Variants in EXO1 observed in about 807,000 individuals in gnomAD.
EXO1 encodes exonuclease 1.
Under a neutral mutation model 84.5 loss-of-function variants are expected in EXO1, and 69 were observed. The observed-to-expected ratio is 0.82, with a 90% CI of 0.67 to 1.00. The LOEUF is 1.00. Among genes scored for constraint, EXO1 ranks in the 50% least tolerant of loss-of-function variants. The pLI, the probability that EXO1 is intolerant of heterozygous loss-of-function variation, is 0.00. For missense variants in EXO1, 1,045 were observed against 1,000.7 expected, an observed-to-expected ratio of 1.04 and a Z score of -0.60; for synonymous variants, 373 against 366.1, an observed-to-expected ratio of 1.02 and a Z score of -0.21.
intron 13 of EXO1, among the ~76,000 whole-genome samples, chr1:241,881,520 G>A (rs1259918489): frequency 2.0e-5 from 3 of 152,222 alleles, no homozygotes; most frequent in South Asian, 4.1e-4. Flanking sequence ...AAAGTTGAAC[G>A]TGTTACATGA....
At chr1:241,873,008 C>T (rs2148485198) in intron 12 of EXO1, among the ~76,000 whole-genome samples, 1 of 152,208 alleles carries the variant, frequency 6.6e-6, no homozygotes, top group Non-Finnish European at 1.5e-5. Context: ...ACATCCTCTC[C>T]AGCATCTGTT....
chr1:241,877,794 GA>G (rs3835631), intron 12 of EXO1, among the ~76,000 whole-genome samples: 11,830 of 152,004 alleles, frequency 0.078, 728 homozygotes, highest in Admixed American at 0.2. Flanking sequence ...TGATTTGAAA[GA>G]AAGTCTTAAC....
intron 13 of EXO1, among the ~76,000 whole-genome samples, chr1:241,880,177 C>T (rs1662673493): frequency 1.3e-5 from 2 of 152,144 alleles, no homozygotes; most frequent in Admixed American, 1.3e-4. Context: ...GCATACTGGT[C>T]TAGAAGACTG....
chr1:241,882,183 A>G (rs192595356), intron 14 of EXO1, among the ~76,000 whole-genome samples, 166 bp downstream of exon 14: 240 of 152,290 alleles, frequency 1.6e-3, no homozygotes, highest in African/African-American at 5.6e-3. Flanking sequence ...TTAAGTTGTG[A>G]AACTTATTTT....
chr1:241,855,030 CAT>C (rs1487975448), intron 6 of EXO1, among the ~76,000 whole-genome samples: 1 of 152,146 alleles, frequency 6.6e-6, no homozygotes, highest in Non-Finnish European at 1.5e-5. Flanking sequence ...TGTTACAGCT[CAT>C]AAAAGCAGCG....
At chr1:241,872,384 T>C in intron 12 of EXO1, 106 bp downstream of exon 12, 16 of 1,262,482 alleles carry the variant, frequency 1.3e-5, no homozygotes, top group Non-Finnish European at 1.8e-5. Context: ...CTTTAAGTTC[T>C]GGGGTACATG....
Position 241,861,478 on chromosome 1 carries a change from T to A in EXO1, c.1017T>A (p.Asp339Glu). 1 of 1,586,518 alleles carries A rather than the reference T, an allele frequency of 6.3e-7. No homozygotes were observed. Among genetic ancestry groups the A allele is most frequent in the Non-Finnish European group, 8.7e-7 (1 of 1,154,794 alleles). ...NKDINTFEQIDDYNPDTAMPA... is the reference protein window; with the variant it reads ...NKDINTFEQIEDYNPDTAMPA... ...ATATAAATACTTTTGAACAGATCGA[T>A]GACTACAATCCAGACACTGCTATGG... The change falls in exon 10 of 16, where the codon GAT becomes GAA. Residue 339 changes from aspartate to glutamate, a missense_variant. By Grantham distance (45) the Asp-to-Glu change is conservative. Transcript: ENST00000366548.
intron 11 of EXO1, among the ~76,000 whole-genome samples, chr1:241,867,459 C>T (rs1353217337): frequency 6.6e-6 from 1 of 152,158 alleles, no homozygotes; most frequent in Non-Finnish European, 1.5e-5. Flanking sequence ...GTCCCTCCCA[C>T]AACACATAGG....
At chr1:241,854,379 T>C (rs1660843732) in intron 6 of EXO1, among the ~76,000 whole-genome samples, 1 of 152,152 alleles carries the variant, frequency 6.6e-6, no homozygotes, top group South Asian at 2.1e-4. Context: ...TCAGGTGATC[T>C]GCCCACCTTG....
At position 241,878,834 on chromosome 1, in the gene EXO1, G is replaced by A; in HGVS notation, c.1600G>A (p.Glu534Lys). Residue 534 changes from glutamate to lysine, a missense_variant, in exon 13 of 16, where the codon GAG becomes AAG. Coordinates refer to ENST00000366548, the MANE Select transcript of EXO1 (RefSeq NM_130398.4). Reference sequence around the variant, plus strand: ...GGATGAAACTGCTGTCACAGATAAAGAGAACAATCTGCATGAATCAGAGTA... The same window carrying A: ...GGATGAAACTGCTGTCACAGATAAAAAGAACAATCTGCATGAATCAGAGTA... Reference protein sequence around the residue: ...PLDETAVTDKENNLHESEYGD... With the variant: ...PLDETAVTDKKNNLHESEYGD... The A allele has an allele frequency of 6.2e-7, 1 of 1,614,100 alleles. No individual in the cohort carries two copies. The highest frequency in any genetic ancestry group is 8.5e-7 in the Non-Finnish European group (1 of 1,179,990).
upstream of EXO1, chr1:241,848,114 G>A (rs574551202): frequency 1.3e-5 from 2 of 152,406 alleles, no homozygotes; most frequent in Non-Finnish European, 2.9e-5. The surrounding 1 kb of genome is among the most constrained non-coding windows in gnomAD (Gnocchi z 4.2). Context: ...TGAGTTGGAA[G>A]CCGCAGGAGG....
chr1:241,868,624 C>T (rs778246667), intron 11 of EXO1, among the ~76,000 whole-genome samples: 3 of 152,152 alleles, frequency 2.0e-5, no homozygotes, highest in Non-Finnish European at 4.4e-5. Context: ...GCCATGGCCA[C>T]ATCACTGCGC....
At chr1:241,851,199 T>C (rs1326082680) in intron 4 of EXO1, among the ~76,000 whole-genome samples, 1 of 152,200 alleles carries the variant, frequency 6.6e-6, no homozygotes, top group African/African-American at 2.4e-5. Context: ...GACTCCCACA[T>C]TCTTGGGTAC....
chr1:241,873,360 G>T (rs1056089058), intron 12 of EXO1, among the ~76,000 whole-genome samples: 1 of 152,144 alleles, frequency 6.6e-6, no homozygotes, highest in Non-Finnish European at 1.5e-5. Flanking sequence ...TATTGTCTTA[G>T]TTCTGACATA....
intron 10 of EXO1, among the ~76,000 whole-genome samples, chr1:241,863,540 A>C (rs1212323560): frequency 1.3e-5 from 2 of 152,188 alleles, no homozygotes; most frequent in Non-Finnish European, 2.9e-5. Context: ...CTTGAGAAAA[A>C]AAGAAGTGAG....
Position 241,881,982 on chromosome 1 carries a change from C to A in EXO1, c.2176C>A (p.His726Asn). 1 of 1,577,092 alleles carries A rather than the reference C, an allele frequency of 6.3e-7. No homozygotes were observed. The highest frequency in any genetic ancestry group is 8.7e-7 in the Non-Finnish European group (1 of 1,148,488). The change falls in exon 14 of 16, where the codon CAT becomes AAT. Residue 726 changes from histidine (H) to asparagine (N), a missense_variant. Physicochemically the swap from His to Asn is moderately conservative, Grantham distance 68 (BLOSUM62 1). Coordinates refer to ENST00000366548, the MANE Select transcript of EXO1 (RefSeq NM_130398.4). ...SDQTSKLRLSHFSKKDTPLRN... is the reference protein window; with the variant it reads ...SDQTSKLRLSNFSKKDTPLRN... ...CCAGACCTCCAAGCTACGTTTATCT[C>A]ATTTCTCAAAAAAAGACACACCTCT...
chr1:241,852,716 G>A (rs1042736735), intron 5 of EXO1, among the ~76,000 whole-genome samples: 2 of 152,180 alleles, frequency 1.3e-5, no homozygotes, highest in Non-Finnish European at 2.9e-5. Flanking sequence ...GAGTGCAGTG[G>A]TATAATCTTG....
At chr1:241,850,927 C>G (rs1484536150) in intron 4 of EXO1, among the ~76,000 whole-genome samples, 3 of 150,886 alleles carry the variant, frequency 2.0e-5, no homozygotes, top group Admixed American at 6.6e-5. Context: ...CTCCGCCTCC[C>G]AGGTTCAAGC....
chr1:241,850,016 T>TTA (rs1660565843), intron 3 of EXO1, among the ~76,000 whole-genome samples: 1 of 151,606 alleles, frequency 6.6e-6, no homozygotes, highest in Admixed American at 6.6e-5. Context: ...GCGCGGTGGC[T>TTA]CACGCCTGTA....
Sources: gnomAD v4.1 joint callset for allele counts (sites outside exome capture counted in the v4.1 genomes callset) on GRCh38, gnomAD v4.1.1 for gene constraint, Gnocchi (gnomAD v3.1) non-coding constraint, MANE v1.5 for transcripts, NCBI Gene and HGNC (gene_info 2026-07-23, HGNC 2026-07-21) for gene names.